The following MECOM variants were observed in gnomAD, a reference collection of about 807,000 sequenced individuals.
The protein encoded by MECOM is histone-lysine N-methyltransferase MECOM.
In MECOM, 13 loss-of-function variants were observed where a neutral mutation model predicts 116.3. The ratio of observed to expected loss-of-function variants is 0.11; its 90% CI spans 0.07 to 0.18. The LOEUF (loss-of-function observed/expected upper bound fraction) is 0.18, where lower values mean the gene tolerates loss of function less well. Among genes scored for constraint, MECOM ranks in the 10% least tolerant of loss-of-function variants. The pLI, the probability that MECOM is intolerant of heterozygous loss-of-function variation, is 1.00. For missense variants in MECOM, 1,299 were observed against 1,509.0 expected (o/e 0.86, Z 2.31); for synonymous variants, 528 against 535.2 (o/e 0.99, Z 0.19).
chr3:169,380,011 G>A (rs1732131666), intron 2 of MECOM, among the ~76,000 whole-genome samples: 1 of 152,134 alleles, frequency 6.6e-6, no homozygotes. Flanking sequence ...GTCAAAGCCG[G>A]ATTCTGGCAT....
intron 16 of MECOM, 57 bp from the exon 17 acceptor site, chr3:169,085,100 T>C: frequency 1.2e-6 from 2 of 1,604,288 alleles, no homozygotes; most frequent in Non-Finnish European, 1.7e-6. Context: ...TCACTTTTAG[T>C]TCAAAGAATA....
intron 1 of MECOM, among the ~76,000 whole-genome samples, chr3:169,557,997 T>C (rs1274141536): frequency 1.3e-5 from 2 of 152,234 alleles, no homozygotes; most frequent in Non-Finnish European, 2.9e-5. Flanking sequence ...AAGCTGGTCA[T>C]ACAAATACAT....
chr3:169,537,212 G>A (rs1381668681), intron 1 of MECOM, among the ~76,000 whole-genome samples: 1 of 152,166 alleles, frequency 6.6e-6, no homozygotes, highest in East Asian at 1.9e-4. Flanking sequence ...TGGAATGACT[G>A]TATGATTCCA....
intron 2 of MECOM, chr3:169,149,510 A>C (rs1740796319): frequency 3.8e-6 from 1 of 264,100 alleles, no homozygotes; most frequent in African/African-American, 2.3e-5. Flanking sequence ...GCTCCGAAAT[A>C]AAGCGCAGCG....
chr3:169,283,231 GGT>G (rs1712515717), intron 2 of MECOM, among the ~76,000 whole-genome samples: 1 of 152,096 alleles, frequency 6.6e-6, no homozygotes, highest in Non-Finnish European at 1.5e-5. Context: ...GGTCAGGCAT[GGT>G]GGCTCATGCC....
intron 2 of MECOM, among the ~76,000 whole-genome samples, chr3:169,226,515 T>C (rs1752744991): frequency 6.6e-6 from 1 of 152,218 alleles, no homozygotes; most frequent in Non-Finnish European, 1.5e-5. Flanking sequence ...ATGATATTTA[T>C]CAAATATTTA....
At chr3:169,508,419 A>G (rs1477243188) in intron 1 of MECOM, among the ~76,000 whole-genome samples, 1 of 152,098 alleles carries the variant, frequency 6.6e-6, no homozygotes, top group Non-Finnish European at 1.5e-5. Context: ...GCAAAAAAAA[A>G]AAGACAAAAG....
chr3:169,495,910 G>T (rs1401331488), intron 1 of MECOM, among the ~76,000 whole-genome samples: 1 of 152,178 alleles, frequency 6.6e-6, no homozygotes, highest in Non-Finnish European at 1.5e-5. Flanking sequence ...TCATAAGACT[G>T]ATGTGAGGAT....
At chr3:169,189,913 G>A (rs1400530545) in intron 2 of MECOM, among the ~76,000 whole-genome samples, 1 of 151,928 alleles carries the variant, frequency 6.6e-6, no homozygotes, top group African/African-American at 2.4e-5. Context: ...AAATTAAATT[G>A]GTTAAACATG....
chr3:169,531,103 C>T (rs545234385), intron 1 of MECOM, among the ~76,000 whole-genome samples: 3 of 152,268 alleles, frequency 2.0e-5, no homozygotes, highest in African/African-American at 7.2e-5. Context: ...GAGTTTAGAG[C>T]TCCCTGGTCT....
At chr3:169,651,137 A>G (rs114987929) in intron 1 of MECOM, among the ~76,000 whole-genome samples, 2,990 of 152,244 alleles carry the variant, frequency 0.02, 53 homozygotes, top group South Asian at 0.057. Context: ...TATGTTGGCC[A>G]TGGGTTTGTC....
chr3:169,147,549 G>T (rs1740280270), intron 2 of MECOM: 1 of 985,404 alleles, frequency 1.0e-6, no homozygotes, highest in Non-Finnish European at 1.2e-6. Context: ...GTCACAAAAA[G>T]GTCGCCAAGA....
At chr3:169,449,189 T>C (rs1347419232) in intron 1 of MECOM, among the ~76,000 whole-genome samples, 2 of 152,186 alleles carry the variant, frequency 1.3e-5, no homozygotes, top group Non-Finnish European at 2.9e-5. Context: ...ACTATAGCCA[T>C]TAAGCCTTAA....
chr3:169,175,951 G>A (rs551376668), intron 2 of MECOM, among the ~76,000 whole-genome samples: 1 of 152,274 alleles, frequency 6.6e-6, no homozygotes, highest in South Asian at 2.1e-4. Flanking sequence ...AGAGTCAAGT[G>A]AGGCTTTTAT....
chr3:169,482,663 A>G (rs1751504486), intron 1 of MECOM, among the ~76,000 whole-genome samples: 1 of 152,206 alleles, frequency 6.6e-6, no homozygotes, highest in Non-Finnish European at 1.5e-5. Flanking sequence ...GAAGTCATGC[A>G]TCGAGAAGTC....
rs531638662 is a variant in MECOM at position 169,084,796 on chromosome 3, G to T, written c.*113C>A. ...AGTTTAAGGTCACTAGACTTTAGAT[G>T]AGTGACCCTGCAGGTTTATAAGGCA... On this transcript the variant is annotated 3_prime_UTR_variant, in exon 17 of 17. Coordinates refer to ENST00000651503, the MANE Select transcript of MECOM (RefSeq NM_004991.4). 3 of 1,131,836 alleles carry T rather than the reference G, an allele frequency of 2.7e-6. No homozygotes were observed. The African/African-American group carries it at 4.6e-5, about 17-fold the overall frequency. The allele number at this position is 1,131,836 out of a possible 1,614,324, so 70.1% of individuals were successfully genotyped here.
intron 1 of MECOM, among the ~76,000 whole-genome samples, chr3:169,597,659 C>T (rs1477222256): frequency 6.6e-6 from 1 of 152,118 alleles, no homozygotes; most frequent in Admixed American, 6.5e-5. Context: ...AGACTAGGTC[C>T]TCAGACATTT....
At chr3:169,443,740 C>T (rs370193985) in intron 1 of MECOM, among the ~76,000 whole-genome samples, 2 of 152,202 alleles carry the variant, frequency 1.3e-5, no homozygotes, top group Non-Finnish European at 2.9e-5. Context: ...GGGTCTGATG[C>T]TTGCTGTGCT....
intron 3 of MECOM, among the ~76,000 whole-genome samples, chr3:169,143,276 T>C (rs74826848): frequency 1.3e-5 from 2 of 152,102 alleles, no homozygotes; most frequent in South Asian, 4.1e-4. Context: ...ACTGATACTA[T>C]GCATATACAT....
Sources: allele counts gnomAD v4.1 joint callset (sites outside exome capture counted in the v4.1 genomes callset), GRCh38; gene constraint gnomAD v4.1.1; transcripts MANE v1.5; gene names NCBI Gene and HGNC (gene_info 2026-07-23, HGNC 2026-07-21).